The following ABCA12 variants were observed in gnomAD, a reference collection of about 807,000 sequenced individuals.
ABCA12 encodes glucosylceramide transporter ABCA12.
Under a neutral mutation model 293.5 loss-of-function variants are expected in ABCA12, and 156 were observed. The ratio of observed to expected loss-of-function variants is 0.53; its 90% CI spans 0.47 to 0.61. The LOEUF (loss-of-function observed/expected upper bound fraction) is 0.61, where lower values mean the gene tolerates loss of function less well. Among genes scored for constraint, ABCA12 ranks in the 20% least tolerant of loss-of-function variants. ABCA12 has a pLI of 0.00. For synonymous variants in ABCA12, 1,063 were observed against 1,108.0 expected, an observed-to-expected ratio of 0.96 and a Z score of 0.81; for missense variants, 2,797 against 3,090.2, an observed-to-expected ratio of 0.91 and a Z score of 2.25.
intron 2 of ABCA12, among the ~76,000 whole-genome samples, chr2:215,106,096 A>G (rs1017851222): frequency 2.6e-5 from 4 of 152,212 alleles, no homozygotes; most frequent in Non-Finnish European, 5.9e-5. Flanking sequence ...AACATACCAC[A>G]GGAAAAGTCA....
chr2:215,037,296 G>A lies in ABCA12; in HGVS notation c.873-231C>T, dbSNP rs545368068. On this transcript the variant is annotated intron_variant, in intron 7 of 52. Coordinates refer to ENST00000272895, the MANE Select transcript of ABCA12 (RefSeq NM_173076.3). ...TGTTTCTAGGTTTCTAAAACATCAG[G>A]AATCACCAGCCTTAAAGTAATGGAG... 5.9e-5 allele frequency among the ~76,000 whole-genome samples: 9 copies of A among 152,226 alleles called. No homozygotes were observed. The East Asian group carries it at 1.7e-3, about 29-fold the overall frequency.
chr2:215,082,833 C>T (rs1276220328), intron 2 of ABCA12: 1 of 152,178 alleles, frequency 6.6e-6, no homozygotes, highest in Non-Finnish European at 1.5e-5. Flanking sequence ...ACATATGTAA[C>T]AGAATGTGTT....
At chr2:214,950,508 A>T (rs1200751203) in intron 45 of ABCA12, among the ~76,000 whole-genome samples, 2 of 42,636 alleles carry the variant, frequency 4.7e-5, no homozygotes, top group Non-Finnish European at 8.8e-5. Context: ...AAAATAATTA[A>T]GATTTTTTTT....
At chr2:215,024,981 ATAAAT>A (rs1700707122) in intron 11 of ABCA12, among the ~76,000 whole-genome samples, 1 of 152,162 alleles carries the variant, frequency 6.6e-6, no homozygotes, top group Non-Finnish European at 1.5e-5. Flanking sequence ...AAATTTTAAT[ATAAAT>A]TATTCATTTT....
chr2:215,004,111 G>T, intron 20 of ABCA12, 98 bp downstream of exon 20: 1 of 1,027,840 alleles, frequency 9.7e-7, no homozygotes, highest in Non-Finnish European at 1.5e-6. Flanking sequence ...TACAAACTAA[G>T]TACAGGAGAA....
chr2:215,014,458 G>A (rs1700445275), intron 15 of ABCA12, among the ~76,000 whole-genome samples: 1 of 152,160 alleles, frequency 6.6e-6, no homozygotes, highest in Non-Finnish European at 1.5e-5. Context: ...AGTAAGAAAT[G>A]AGATTTTAGT....
chr2:215,138,281 C>T lies in ABCA12; in HGVS notation c.-73G>A. 9.2e-6 allele frequency: 14 copies of T among 1,519,298 alleles called. No homozygotes were observed. The South Asian group carries it at 1.5e-4, about 16-fold the overall frequency. 94.1% of individuals were successfully genotyped at this position (1,519,298 alleles called of 1,614,324 possible). On this transcript the variant is annotated 5_prime_UTR_variant, in exon 1 of 53. Transcript: ENST00000272895. ...ACAAATGAAGAACTGATGCCCCGTC[C>T]AACTTGCTGTATGTCAGTGTATCAG...
chr2:214,952,223 T>C (rs528608724), intron 44 of ABCA12, among the ~76,000 whole-genome samples: 1 of 460 alleles, frequency 2.2e-3, no homozygotes, highest in Non-Finnish European at 0.12. Flanking sequence ...TTTTTTGTTG[T>C]TTTTTTTTTT....
intron 2 of ABCA12, among the ~76,000 whole-genome samples, chr2:215,101,558 T>C (rs1702357528): frequency 6.6e-6 from 1 of 152,222 alleles, no homozygotes; most frequent in Admixed American, 6.5e-5. Flanking sequence ...AAAATATTGA[T>C]AATAGCATGT....
At chr2:214,958,908 C>T in intron 40 of ABCA12, 116 bp downstream of exon 40, 1 of 1,132,572 alleles carries the variant, frequency 8.8e-7, no homozygotes. Context: ...GACATATTAC[C>T]AGCCCTTCTA....
In ABCA12 at chr2:214,978,429, C is replaced by G; in HGVS notation, c.5015G>C (p.Ser1672Thr). The G allele has an allele frequency of 1.2e-6, 2 of 1,613,762 alleles. No homozygotes were observed. The highest frequency in any genetic ancestry group is 1.7e-6 in the Non-Finnish European group (2 of 1,179,792). The change falls in exon 33 of 53, where the codon AGT becomes ACT. Residue 1672 changes from serine to threonine, a missense_variant. Physicochemically the swap from Ser to Thr is moderately conservative, Grantham distance 58. Around this residue, in one of 3 missense-constraint regions of ABCA12, gnomAD observed 2,130 missense variants for 2,427.0 expected, o/e 0.88. Coordinates refer to ENST00000272895, the MANE Select transcript of ABCA12 (RefSeq NM_173076.3). The part of the protein sequence containing the change: ...LNLTKESQKN[S>T]AMSLEHLTQK... ...TGTTAAGTGCTCAAGACTCATAGCA[C>G]TATTTTTTTGTGACTCTTTGGTCAA... is the stretch of plus-strand genomic sequence containing the variant.
chr2:215,135,522 T>G (rs766650831), intron 1 of ABCA12, among the ~76,000 whole-genome samples: 25 of 152,224 alleles, frequency 1.6e-4, no homozygotes, highest in Non-Finnish European at 3.2e-4. Context: ...ATTTCCTGTG[T>G]CCATAGCTTA....
chr2:214,944,844 A>G (rs1330921616), intron 49 of ABCA12, among the ~76,000 whole-genome samples, 157 bp downstream of exon 49: 2 of 150,546 alleles, frequency 1.3e-5, no homozygotes, highest in Non-Finnish European at 2.9e-5. Flanking sequence ...ATATATACAT[A>G]TATTTGTGTG....
chr2:214,955,332 A>G lies in ABCA12; in HGVS notation c.6263T>C (p.Leu2088Pro), dbSNP rs751276000. 1.2e-6 allele frequency: 2 copies of G among 1,614,072 alleles called. No individual in the cohort carries two copies. Among genetic ancestry groups the G allele is most frequent in the South Asian group, 2.2e-5 (2 of 91,092 alleles). The change falls in exon 43 of 53, where the codon CTG (leucine) becomes CCG (proline). Residue 2088 changes from leucine to proline, a missense_variant. Coordinates refer to ENST00000272895, the MANE Select transcript of ABCA12 (RefSeq NM_173076.3). ...TCCTGTTTCATGGAAGAGCCCAGCCAGCAAGTACATCCAGGAAAATGTTGC... is the reference window on the plus strand; with the variant it reads ...TCCTGTTTCATGGAAGAGCCCAGCCGGCAAGTACATCCAGGAAAATGTTGC... ...GYATFSWMYLLAGLFHETGMA... is the reference protein window; with the variant it reads ...GYATFSWMYLPAGLFHETGMA...
At chr2:214,981,022 G>T (rs112835613) in intron 30 of ABCA12, among the ~76,000 whole-genome samples, 2,647 of 151,380 alleles carry the variant, frequency 0.017, 79 homozygotes, top group African/African-American at 0.061. Context: ...GAGGTGGAGG[G>T]TGTAGTGAGC....
At chr2:214,937,371 G>A in intron 51 of ABCA12, 139 bp downstream of exon 51, 3 of 591,362 alleles carry the variant, frequency 5.1e-6, no homozygotes, top group Non-Finnish European at 9.0e-6. Flanking sequence ...GCTAATTTTT[G>A]TATTTTTTGT....
chr2:214,937,894 C>T (rs1263071283), intron 50 of ABCA12, among the ~76,000 whole-genome samples: 3 of 152,160 alleles, frequency 2.0e-5, no homozygotes, highest in African/African-American at 7.2e-5. Flanking sequence ...CTTTCTATGA[C>T]ATTCATAAAT....
chr2:214,969,552 A>G (rs1261464528), intron 37 of ABCA12, among the ~76,000 whole-genome samples: 1 of 152,068 alleles, frequency 6.6e-6, no homozygotes, highest in Admixed American at 6.6e-5. Flanking sequence ...GCAGATTTTA[A>G]GACAGTTGGT....
Position 215,138,536 on chromosome 2 carries a change from C to A in ABCA12, c.-328G>T. 5 of 334,142 alleles carry A rather than the reference C, an allele frequency of 1.5e-5. No homozygotes were observed. Among genetic ancestry groups the A allele is most frequent in the South Asian group, 2.9e-5 (1 of 34,972 alleles). 20.7% of individuals were successfully genotyped at this position (334,142 alleles called of 1,614,324 possible). ...AAGTCCAGACTCAAGAGAGAATGAG[C>A]ATCATTCAGATAATGCCTCACTGAA... On this transcript the variant is annotated 5_prime_UTR_variant, in exon 1 of 53. An upstream start codon of the reference 5' UTR is lost. Transcript: ENST00000272895.
Sources: gnomAD v4.1 joint callset for allele counts (sites outside exome capture counted in the v4.1 genomes callset) on GRCh38, gnomAD v4.1.1 for gene constraint, gnomAD v4.1.1 regional missense constraint, MANE v1.5 for transcripts, NCBI Gene and HGNC (gene_info 2026-07-23, HGNC 2026-07-21) for gene names.